Variants in MTMR14 observed in about 807,000 individuals in gnomAD.
The protein encoded by MTMR14 is myotubularin related protein 14.
A neutral mutation model predicts 86.3 loss-of-function variants in MTMR14; 48 were observed. That is an observed-to-expected ratio of 0.56 (90% CI 0.44 to 0.71). MTMR14 has a LOEUF of 0.71. Ranked by LOEUF, MTMR14 falls within the 30% of genes least tolerant of loss-of-function variation. MTMR14 has a pLI of 0.00. For synonymous variants in MTMR14, 366 were observed against 326.1 expected, an observed-to-expected ratio of 1.12 and a Z score of -1.32; for missense variants, 780 against 834.6, an observed-to-expected ratio of 0.93 and a Z score of 0.81.
At chr3:9,674,112 G>C (rs1179540720) in intron 7 of MTMR14, among the ~76,000 whole-genome samples, 1 of 152,182 alleles carries the variant, frequency 6.6e-6, no homozygotes, top group Non-Finnish European at 1.5e-5. Flanking sequence ...TGCTTCGGGG[G>C]TTCCACAGAC....
At chr3:9,651,513 G>T (rs936062724) in intron 1 of MTMR14, among the ~76,000 whole-genome samples, 1 of 152,182 alleles carries the variant, frequency 6.6e-6, no homozygotes, top group African/African-American at 2.4e-5. Context: ...TATTGGCTGC[G>T]GCTGGCCTTA....
In MTMR14 at chr3:9,651,832, A is replaced by AT. The variant is rs745555864; in HGVS notation, c.160-1772dup. ...AGGCATGCACCATCATGCCTGGCTAATTTTTTTTTTTTTTTTTGAGATGGC... is the reference window on the plus strand; with the variant it reads ...AGGCATGCACCATCATGCCTGGCTAATTTTTTTTTTTTTTTTTTGAGATGGC... On this transcript the variant is annotated intron_variant, in intron 1 of 18. Transcript: ENST00000296003. Among the ~76,000 whole-genome samples the AT allele has an allele frequency of 4.1e-3, 534 of 130,938 alleles. 4 individuals carry two copies. The highest frequency in any genetic ancestry group is 8.1e-3 in the African/African-American group (283 of 35,138). 85.9% of individuals were successfully genotyped at this position (130,938 alleles called of 152,430 possible).
In MTMR14 at chr3:9,662,143, A is replaced by G. The variant is rs2047977642; in HGVS notation, c.309-124A>G. The G allele has an allele frequency of 2.5e-5, 18 of 726,386 alleles. No individual in the cohort carries two copies. In the East Asian group the frequency reaches 4.8e-4, roughly 19 times the overall value. The allele number at this position is 726,386 out of a possible 1,614,324, so 45.0% of individuals were successfully genotyped here. ...ATAGATGATATAAAATTTAGGAATG[A>G]CATTTAATTTCAAGCAAGCATTATG... On this transcript the variant is annotated intron_variant, in intron 2 of 18. Transcript: ENST00000296003.
At chr3:9,651,709 A>G (rs182638418) in intron 1 of MTMR14, among the ~76,000 whole-genome samples, 188 of 152,230 alleles carry the variant, frequency 1.2e-3, no homozygotes, top group African/African-American at 3.7e-3. Context: ...TCTGTCACCC[A>G]GGCTGGAGTG....
Position 9,668,768 on chromosome 3 carries a change from G to T in MTMR14, c.467G>T (p.Arg156Leu), listed in dbSNP as rs946909416. The T allele has an allele frequency of 2.5e-6, 4 of 1,613,996 alleles. No individual in the cohort carries two copies. In the African/African-American group the frequency reaches 4.0e-5, roughly 16 times the overall value. Residue 156 changes from arginine (R) to leucine (L), a missense_variant, in exon 4 of 19, where the codon CGC becomes CTC. Arg to Leu is a moderately radical substitution (Grantham distance 102). Coordinates refer to ENST00000296003, the MANE Select transcript of MTMR14 (RefSeq NM_001077525.3). ...GCTGGATGGGGAGAGCTGTATGGAC[G>T]CTCAGGCTACAACTATTTTTTCTCA... ...TLAGWGELYG[R>L]SGYNYFFSGG...
chr3:9,682,179 A>T (rs1229757728), intron 9 of MTMR14, among the ~76,000 whole-genome samples: 1 of 152,206 alleles, frequency 6.6e-6, no homozygotes, highest in Non-Finnish European at 1.5e-5. Context: ...GCAGCTACTG[A>T]TAATGACTTT....
In MTMR14 at chr3:9,684,630, C is replaced by T; in HGVS notation, c.1010C>T (p.Thr337Ile). 1.2e-6 allele frequency: 2 copies of T among 1,614,112 alleles called. No homozygotes were observed. The highest frequency in any genetic ancestry group is 8.5e-7 in the Non-Finnish European group (1 of 1,180,004). ...LVHCISGWDRTPLFISLLRLS... is the reference protein window; with the variant it reads ...LVHCISGWDRIPLFISLLRLS... ...CACTGTATCTCAGGCTGGGATCGGA[C>T]CCCCCTCTTCATCTCCCTCCTGCGC... The change falls in exon 11 of 19, where the codon ACC becomes ATC. Residue 337 changes from threonine to isoleucine, a missense_variant. Physicochemically the swap from Thr to Ile is moderately conservative, Grantham distance 89. Coordinates refer to ENST00000296003, the MANE Select transcript of MTMR14 (RefSeq NM_001077525.3).
chr3:9,690,932 A>G (rs1465335574), intron 17 of MTMR14, among the ~76,000 whole-genome samples: 2 of 152,216 alleles, frequency 1.3e-5, no homozygotes, highest in Non-Finnish European at 2.9e-5. Context: ...TCCCAGGTTC[A>G]AGTCAAGCTC....
intron 2 of MTMR14, among the ~76,000 whole-genome samples, chr3:9,660,646 G>A (rs1326326865): frequency 6.6e-6 from 1 of 152,140 alleles, no homozygotes; most frequent in African/African-American, 2.4e-5. Flanking sequence ...CATTTAAAGA[G>A]GTACCACAAG....
intron 9 of MTMR14, among the ~76,000 whole-genome samples, chr3:9,682,104 A>G (rs771990860): frequency 6.6e-6 from 1 of 152,198 alleles, no homozygotes; most frequent in Non-Finnish European, 1.5e-5. Flanking sequence ...CCCTGTGAGA[A>G]TCACTGCTCC....
chr3:9,653,648 G>A lies in MTMR14; in HGVS notation c.187G>A (p.Glu63Lys). ...TGAGCGCATTGAGAAGAGATGTCTG[G>A]AGCTGTTTGGCCGAGACTACTGTTT... is the stretch of plus-strand genomic sequence containing the variant. ...KVERIEKRCL[E>K]LFGRDYCFSV... Residue 63 changes from glutamate to lysine, a missense_variant, in exon 2 of 19, where the codon GAG becomes AAG. By Grantham distance (56) the Glu-to-Lys change is moderately conservative. Coordinates refer to ENST00000296003, the MANE Select transcript of MTMR14 (RefSeq NM_001077525.3). 6.2e-7 allele frequency: 1 copy of A among 1,614,098 alleles called. No individual in the cohort carries two copies. The highest frequency in any genetic ancestry group is 8.5e-7 in the Non-Finnish European group (1 of 1,180,040).
intron 1 of MTMR14, among the ~76,000 whole-genome samples, chr3:9,651,952 C>T (rs1262956491): frequency 6.6e-6 from 1 of 152,142 alleles, no homozygotes; most frequent in Non-Finnish European, 1.5e-5. Flanking sequence ...CTGCTTCAGC[C>T]TCCCCAGTAG....
chr3:9,685,238 A>C lies in MTMR14; in HGVS notation c.1155A>C (p.Lys385Asn). 1 of 1,614,016 alleles carries C rather than the reference A, an allele frequency of 6.2e-7. No individual in the cohort carries two copies. Among genetic ancestry groups the C allele is most frequent in the Non-Finnish European group, 8.5e-7 (1 of 1,179,996 alleles). ...ACATGTTGGTAGATCGGCTCAGCAA[A>C]GGGGAGGAGGTGAGTATACCACCTA... is the stretch of plus-strand genomic sequence containing the variant. ...FGHMLVDRLS[K>N]GEEIFFFCFN... The change falls in exon 13 of 19, where the codon AAA becomes AAC. Residue 385 changes from lysine (K) to asparagine (N), a missense_variant. By Grantham distance (94) the Lys-to-Asn change is moderately conservative (BLOSUM62 0). Coordinates refer to ENST00000296003, the MANE Select transcript of MTMR14 (RefSeq NM_001077525.3).
At chr3:9,687,138 G>T (rs144650418) in intron 13 of MTMR14, among the ~76,000 whole-genome samples, 1 of 152,152 alleles carries the variant, frequency 6.6e-6, no homozygotes, top group Non-Finnish European at 1.5e-5. Context: ...CATCTCTCCC[G>T]CAGCTATCCT....
intron 2 of MTMR14, among the ~76,000 whole-genome samples, chr3:9,657,784 C>T (rs2047696391): frequency 1.3e-5 from 2 of 152,014 alleles, no homozygotes; most frequent in Admixed American, 6.6e-5. Context: ...CTCCTGACCT[C>T]GTGATCCACT....
rs938045812 is a variant in MTMR14, at chr3:9,673,786, G to C, written c.751+1028G>C. On this transcript the variant is annotated intron_variant, in intron 7 of 18. Coordinates refer to ENST00000296003, the MANE Select transcript of MTMR14 (RefSeq NM_001077525.3). ...CCCTCCTTAATAAAATGAAGATAAT[G>C]GTGCTTATTTAAGAGTGAAGTGCCA... 2.8e-5 allele frequency among the ~76,000 whole-genome samples: 4 copies of C among 144,658 alleles called. 1 individual carries two copies. Among genetic ancestry groups the C allele is most frequent in the African/African-American group, 1.2e-4 (4 of 34,446 alleles). 94.9% of individuals were successfully genotyped at this position (144,658 alleles called of 152,430 possible).
intron 9 of MTMR14, among the ~76,000 whole-genome samples, chr3:9,678,699 A>G (rs1319383338): frequency 6.6e-6 from 1 of 152,100 alleles, no homozygotes; most frequent in Non-Finnish European, 1.5e-5. Context: ...CTTTGGCTCG[A>G]GTGTCTGCTT....
chr3:9,682,917 C>T (rs2125251559), intron 9 of MTMR14, among the ~76,000 whole-genome samples: 1 of 151,744 alleles, frequency 6.6e-6, no homozygotes, highest in South Asian at 2.1e-4. Flanking sequence ...GTTCCTCACT[C>T]TCACATTGGG....
chr3:9,660,362 A>T (rs1326374657), intron 2 of MTMR14, among the ~76,000 whole-genome samples: 2 of 151,842 alleles, frequency 1.3e-5, no homozygotes, highest in East Asian at 3.9e-4. Context: ...GGGTTCAAGC[A>T]GTTCTCCTGC....
Sources: allele counts gnomAD v4.1 joint callset (sites outside exome capture counted in the v4.1 genomes callset), GRCh38; gene constraint gnomAD v4.1.1; transcripts MANE v1.5; gene names NCBI Gene and HGNC (gene_info 2026-07-23, HGNC 2026-07-21).